Variants in SLC26A5 observed in about 807,000 individuals in gnomAD.
SLC26A5 encodes the protein prestin.
Under a neutral mutation model 81.0 loss-of-function variants are expected in SLC26A5, and 51 were observed. The ratio of observed to expected loss-of-function variants is 0.63; its 90% CI spans 0.50 to 0.80. The LOEUF is 0.80. Among genes scored for constraint, SLC26A5 ranks in the 30% least tolerant of loss-of-function variants. The pLI, the probability that SLC26A5 is intolerant of heterozygous loss-of-function variation, is 0.00. For synonymous variants in SLC26A5, 325 were observed against 332.8 expected (o/e 0.98, Z 0.25); for missense variants, 771 against 905.8 (o/e 0.85, Z 1.91).
intron 8 of SLC26A5, among the ~76,000 whole-genome samples, chr7:103,407,089 C>G (rs1464523346): frequency 6.6e-6 from 1 of 152,186 alleles, no homozygotes; most frequent in African/African-American, 2.4e-5. Context: ...ACTGTGCAAA[C>G]TTCTAGTTGG....
At chr7:103,370,639 T>TG (rs1820981697), downstream of SLC26A5, among the ~76,000 whole-genome samples, 1 of 152,168 alleles carries the variant, frequency 6.6e-6, no homozygotes, top group South Asian at 2.1e-4. Context: ...TCCATACCCT[T>TG]AACAGTTTCT....
At chr7:103,393,151 G>C in intron 9 of SLC26A5, 85 bp from the exon 10 acceptor site, 1 of 1,521,274 alleles carries the variant, frequency 6.6e-7, no homozygotes, top group Non-Finnish European at 9.0e-7. Context: ...AGCATTTTAG[G>C]GGGGCATTAT....
At chr7:103,445,435 G>A (rs1407314110) in intron 1 of SLC26A5, 3 of 152,292 alleles carry the variant, frequency 2.0e-5, no homozygotes, top group South Asian at 2.1e-4. Flanking sequence ...TATGATGGCA[G>A]AGCACCTGCC....
intron 4 of SLC26A5, among the ~76,000 whole-genome samples, chr7:103,418,266 T>C (rs902316471): frequency 6.6e-5 from 10 of 152,216 alleles, no homozygotes; most frequent in Non-Finnish European, 1.5e-4. Flanking sequence ...TCCAAAGTCT[T>C]TCCATTCTTA....
At chr7:103,403,833 T>C (rs972872822) in intron 8 of SLC26A5, among the ~76,000 whole-genome samples, 1 of 152,184 alleles carries the variant, frequency 6.6e-6, no homozygotes, top group Non-Finnish European at 1.5e-5. Context: ...TTATCTAATT[T>C]GCCAATCTGT....
At chr7:103,410,802 T>C (rs565542545) in intron 6 of SLC26A5, among the ~76,000 whole-genome samples, 2 of 152,174 alleles carry the variant, frequency 1.3e-5, no homozygotes, top group Admixed American at 1.3e-4. Context: ...GGCTAATTTT[T>C]GTATTTTTAG....
At chr7:103,400,083 C>A (rs1823468061) in intron 8 of SLC26A5, among the ~76,000 whole-genome samples, 2 of 151,718 alleles carry the variant, frequency 1.3e-5, no homozygotes, top group African/African-American at 4.8e-5. Context: ...TGGGTATATA[C>A]CCAGTAACGG....
intron 2 of SLC26A5, among the ~76,000 whole-genome samples, 183 bp from the exon 3 acceptor site, chr7:103,421,750 AC>A (rs1002228939): frequency 6.6e-5 from 10 of 152,186 alleles, no homozygotes; most frequent in East Asian, 1.9e-4. Flanking sequence ...AATTAAAAAA[AC>A]GTGACTTATT....
At chr7:103,406,784 T>C (rs1352859423) in intron 8 of SLC26A5, among the ~76,000 whole-genome samples, 1 of 152,216 alleles carries the variant, frequency 6.6e-6, no homozygotes, top group African/African-American at 2.4e-5. Flanking sequence ...GTCTCCCAAG[T>C]AGCTGGGATT....
intron 19 of SLC26A5, chr7:103,366,085 A>G (rs1820704618): frequency 6.2e-7 from 1 of 1,611,720 alleles, no homozygotes; most frequent in Non-Finnish European, 8.5e-7. Flanking sequence ...GGGGGCTCGA[A>G]TGGTTCGTGA....
intron 9 of SLC26A5, among the ~76,000 whole-genome samples, chr7:103,397,265 G>A (rs1823192867): frequency 1.3e-5 from 2 of 151,938 alleles, no homozygotes; most frequent in African/African-American, 4.8e-5. Flanking sequence ...AAATTAGCCG[G>A]GTGTGGTGGC....
At chr7:103,396,223 T>G (rs1397790322) in intron 9 of SLC26A5, among the ~76,000 whole-genome samples, 1 of 152,140 alleles carries the variant, frequency 6.6e-6, no homozygotes, top group East Asian at 1.9e-4. Context: ...GAAAACCACT[T>G]GCCACTATGG....
chr7:103,353,869 A>T, intron 19 of SLC26A5: 4 of 1,507,502 alleles, frequency 2.7e-6, no homozygotes, highest in African/African-American at 2.8e-5. Flanking sequence ...TTTTTTAAAA[A>T]TTTTAATTCT....
intron 14 of SLC26A5, among the ~76,000 whole-genome samples, chr7:103,387,526 G>A (rs1822290903): frequency 6.6e-6 from 1 of 152,178 alleles, no homozygotes; most frequent in Non-Finnish European, 1.5e-5. Context: ...CTGTTTGCAG[G>A]CCTTGTCATT....
intron 4 of SLC26A5, among the ~76,000 whole-genome samples, chr7:103,416,607 T>C (rs1349139540): frequency 6.6e-6 from 1 of 152,202 alleles, no homozygotes; most frequent in African/African-American, 2.4e-5. Flanking sequence ...CTTCCAGCTT[T>C]CACAATACTT....
intron 19 of SLC26A5, among the ~76,000 whole-genome samples, chr7:103,375,635 T>C (rs1821300814): frequency 6.6e-6 from 1 of 152,246 alleles, no homozygotes; most frequent in South Asian, 2.1e-4. Context: ...GATCTCACTA[T>C]GTTGCTTAGG....
chr7:103,354,390 C>T (rs1372686593), intron 19 of SLC26A5, among the ~76,000 whole-genome samples: 5 of 113,144 alleles, frequency 4.4e-5, no homozygotes, highest in African/African-American at 6.8e-5. Context: ...TTTTTTGAAA[C>T]GGAGTGTTGC....
chr7:103,374,609 A>C lies in SLC26A5; in HGVS notation c.2042-17T>G. The C allele has an allele frequency of 6.8e-6, 11 of 1,613,048 alleles. No individual in the cohort carries two copies. The highest frequency in any genetic ancestry group is 9.3e-6 in the Non-Finnish European group (11 of 1,179,372). On this transcript the variant is annotated splice_polypyrimidine_tract_variant and intron_variant, in intron 19 of 19. Transcript: ENST00000306312. ...CAACTTGTGCTATTAAAAGAAGAAA[A>C]GAAAATTAGTCCACACTCTGGATAT...
At chr7:103,398,767 G>T (rs1270166778) in intron 8 of SLC26A5, among the ~76,000 whole-genome samples, 1 of 152,184 alleles carries the variant, frequency 6.6e-6, no homozygotes, top group African/African-American at 2.4e-5. Flanking sequence ...GCCAGGGAAG[G>T]AAGCCAGCCC....
Sources: gnomAD v4.1 joint callset for allele counts (sites outside exome capture counted in the v4.1 genomes callset) on GRCh38, gnomAD v4.1.1 for gene constraint, MANE v1.5 for transcripts, NCBI Gene and HGNC (gene_info 2026-07-23, HGNC 2026-07-21) for gene names.